Variants in ALK observed in about 807,000 individuals in gnomAD.
The protein encoded by ALK is ALK receptor tyrosine kinase, also known as ALK tyrosine kinase receptor.
ALK carries 74 observed loss-of-function variants against 163.1 expected under a neutral mutation model. That is an observed-to-expected ratio of 0.45 (90% CI 0.38 to 0.55). The LOEUF is 0.55. Ranked by LOEUF, ALK falls within the 20% of genes least tolerant of loss-of-function variation. ALK has a pLI of 0.00. For missense variants in ALK, 2,063 were observed against 2,105.3 expected, an observed-to-expected ratio of 0.98 and a Z score of 0.39; for synonymous variants, 960 against 843.2, an observed-to-expected ratio of 1.14 and a Z score of -2.40.
chr2:29,397,974 T>A (rs2148313015), intron 4 of ALK, among the ~76,000 whole-genome samples: 1 of 152,288 alleles, frequency 6.6e-6, no homozygotes, highest in South Asian at 2.1e-4. Flanking sequence ...CTTGAGGCCC[T>A]GAGATTGTGC....
At chr2:29,347,351 G>A (rs565364812) in intron 5 of ALK, among the ~76,000 whole-genome samples, 1 of 152,332 alleles carries the variant, frequency 6.6e-6, no homozygotes, top group South Asian at 2.1e-4. Context: ...CTACTGGGCT[G>A]ATGGAGGAGG....
At chr2:29,387,210 C>T (rs897490362) in intron 4 of ALK, among the ~76,000 whole-genome samples, 5 of 152,188 alleles carry the variant, frequency 3.3e-5, no homozygotes, top group Non-Finnish European at 4.4e-5. Context: ...CTCTCTGGAG[C>T]TCTCCGGTTC....
At chr2:29,646,610 C>G (rs1676882454) in intron 3 of ALK, among the ~76,000 whole-genome samples, 1 of 152,166 alleles carries the variant, frequency 6.6e-6, no homozygotes, top group African/African-American at 2.4e-5. Flanking sequence ...TTACTCTGCT[C>G]TAGCCACATG....
intron 4 of ALK, among the ~76,000 whole-genome samples, chr2:29,457,525 G>A (rs1573371299): frequency 1.3e-5 from 2 of 152,190 alleles, no homozygotes; most frequent in South Asian, 2.1e-4. Context: ...TCTTCCTGCA[G>A]GAGCCCAGGT....
At chr2:29,764,471 T>G (rs1043950260) in intron 1 of ALK, among the ~76,000 whole-genome samples, 2 of 152,198 alleles carry the variant, frequency 1.3e-5, no homozygotes, top group African/African-American at 4.8e-5. Context: ...AAAATAGTTC[T>G]TCAACATTTA....
At chr2:29,637,480 G>A (rs1233668401) in intron 3 of ALK, among the ~76,000 whole-genome samples, 2 of 152,058 alleles carry the variant, frequency 1.3e-5, no homozygotes, top group Admixed American at 6.6e-5. Flanking sequence ...AGCAACAGGC[G>A]GGTGGATCAT....
intron 26 of ALK, among the ~76,000 whole-genome samples, chr2:29,201,432 G>A (rs762341510): frequency 6.6e-6 from 1 of 152,040 alleles, no homozygotes; most frequent in African/African-American, 2.4e-5. Context: ...CCTTGACTCC[G>A]TTATCCCACA....
chr2:29,467,785 T>C (rs1671247810), intron 4 of ALK, among the ~76,000 whole-genome samples: 1 of 152,224 alleles, frequency 6.6e-6, no homozygotes, highest in South Asian at 2.1e-4. Context: ...CTGACTTCTA[T>C]CAAGTTAGAC....
intron 26 of ALK, among the ~76,000 whole-genome samples, chr2:29,200,795 A>T (rs12464031): frequency 2.4e-3 from 338 of 139,660 alleles, no homozygotes; most frequent in South Asian, 6.9e-3. Context: ...ATATACATGT[A>T]TACATATATA....
intron 9 of ALK, among the ~76,000 whole-genome samples, chr2:29,285,655 C>A (rs1345997868): frequency 6.6e-6 from 1 of 152,048 alleles, no homozygotes; most frequent in African/African-American, 2.4e-5. Context: ...CTCCGCCTCC[C>A]AGGTTCAAGT....
chr2:29,659,593 C>G (rs958260781), intron 3 of ALK, among the ~76,000 whole-genome samples: 6 of 152,160 alleles, frequency 3.9e-5, no homozygotes, highest in Non-Finnish European at 8.8e-5. Flanking sequence ...ATCATCCATT[C>G]TCTCAGGGCT....
chr2:29,311,379 C>T (rs962923314), intron 8 of ALK, among the ~76,000 whole-genome samples: 1 of 152,134 alleles, frequency 6.6e-6, no homozygotes, highest in Non-Finnish European at 1.5e-5. Flanking sequence ...AGAGTAGGGG[C>T]ACATATGCTG....
chr2:29,546,407 C>G (rs1193258252), intron 3 of ALK, among the ~76,000 whole-genome samples: 2 of 152,106 alleles, frequency 1.3e-5, no homozygotes, highest in Non-Finnish European at 2.9e-5. Flanking sequence ...TGGTAATCCT[C>G]AAGGAAAATA....
At chr2:29,790,387 T>C (rs1664160570) in intron 1 of ALK, among the ~76,000 whole-genome samples, 1 of 152,158 alleles carries the variant, frequency 6.6e-6, no homozygotes, top group Admixed American at 6.5e-5. Flanking sequence ...TGTTAATCTA[T>C]GCAAAATCCT....
intron 2 of ALK, among the ~76,000 whole-genome samples, chr2:29,712,017 T>C (rs1169520824): frequency 1.3e-5 from 2 of 152,204 alleles, no homozygotes; most frequent in African/African-American, 2.4e-5. Flanking sequence ...AGATAAATTG[T>C]TCATATTTAT....
chr2:29,232,371 C>T lies in ALK; in HGVS notation c.2565G>A (p.Thr855=), dbSNP rs752329968. Residue 855 remains threonine, a synonymous_variant, in exon 15 of 29, where the codon ACG becomes ACA. Transcript: ENST00000389048. ...TATTCTCCAGTCTCTCTGGGTGGAA[C>T]GTGTCTGTCTTGGCCCCGTAGGCCC... ...GGRAYGAKTD[T]FHPERLENNS... The T allele has an allele frequency of 3.5e-5, 57 of 1,614,244 alleles. No homozygotes were observed. Among genetic ancestry groups the T allele is most frequent in the East Asian group, 4.5e-5 (2 of 44,892 alleles).
At chr2:29,643,767 T>C (rs1558422696) in intron 3 of ALK, among the ~76,000 whole-genome samples, 1 of 152,104 alleles carries the variant, frequency 6.6e-6, no homozygotes, top group South Asian at 2.1e-4. Flanking sequence ...GGAGAGGATG[T>C]GGAGAAACAG....
At chr2:29,371,895 C>T (rs1668646902) in intron 5 of ALK, among the ~76,000 whole-genome samples, 1 of 152,170 alleles carries the variant, frequency 6.6e-6, no homozygotes, top group Non-Finnish European at 1.5e-5. Context: ...TTACTATTGT[C>T]CCCTCTGATG....
chr2:29,500,727 G>C (rs776984294), intron 4 of ALK, among the ~76,000 whole-genome samples: 1 of 152,060 alleles, frequency 6.6e-6, no homozygotes, highest in Non-Finnish European at 1.5e-5. Flanking sequence ...GGCCTGTGCT[G>C]ACCCTGTCTC....
Sources: allele counts gnomAD v4.1 joint callset (sites outside exome capture counted in the v4.1 genomes callset), GRCh38; gene constraint gnomAD v4.1.1; transcripts MANE v1.5; gene names NCBI Gene and HGNC (gene_info 2026-07-23, HGNC 2026-07-21).